AFDN: variants seen among roughly 807,000 people sequenced by gnomAD.
The protein encoded by AFDN is afadin, adherens junction formation factor.
A neutral mutation model predicts 216.6 loss-of-function variants in AFDN; 68 were observed. The ratio of observed to expected loss-of-function variants is 0.31; its 90% CI spans 0.26 to 0.38. The LOEUF (loss-of-function observed/expected upper bound fraction) is 0.38. Ranked by LOEUF, AFDN falls within the 10% of genes least tolerant of loss-of-function variation. The pLI, the probability that AFDN is intolerant of heterozygous loss-of-function variation, is 1.00. For missense variants in AFDN, 2,136 were observed against 2,342.0 expected (o/e 0.91, Z 1.82); for synonymous variants, 868 against 853.7 (o/e 1.02, Z -0.29).
chr6:167,833,700 T>C (rs1033685260), intron 1 of AFDN, among the ~76,000 whole-genome samples: 1 of 152,140 alleles, frequency 6.6e-6, no homozygotes, highest in African/African-American at 2.4e-5. Flanking sequence ...AGCTTTGAGG[T>C]TGCCAGTTTC....
chr6:167,834,764 G>C (rs1780231142), intron 1 of AFDN, among the ~76,000 whole-genome samples: 1 of 152,076 alleles, frequency 6.6e-6, no homozygotes, highest in Admixed American at 6.5e-5. Flanking sequence ...AGTATTGCTT[G>C]AGCCCAAAAG....
At chr6:167,963,742 A>AT in intron 31 of AFDN, 1 of 1,062,040 alleles carries the variant, frequency 9.4e-7, no homozygotes, top group Non-Finnish European at 1.1e-6. Context: ...AGCTTTCAGG[A>AT]TTAGGTTCCC....
At chr6:167,958,264 T>G (rs1035941302) in intron 30 of AFDN, among the ~76,000 whole-genome samples, 2 of 152,238 alleles carry the variant, frequency 1.3e-5, no homozygotes, top group South Asian at 4.1e-4. Context: ...ATTACATATA[T>G]GCAAATAGTC....
chr6:167,865,436 G>A (rs902582756), intron 2 of AFDN, among the ~76,000 whole-genome samples: 19 of 151,498 alleles, frequency 1.3e-4, no homozygotes, highest in Non-Finnish European at 2.4e-4. Flanking sequence ...AGTGAGACCC[G>A]TCTCCACAAA....
At chr6:167,959,674 A>G (rs933757135) in intron 30 of AFDN, among the ~76,000 whole-genome samples, 4 of 152,204 alleles carry the variant, frequency 2.6e-5, no homozygotes, top group Non-Finnish European at 5.9e-5. Flanking sequence ...TCATGATACA[A>G]AATTATAAAC....
chr6:167,959,647 A>G (rs186467875), intron 30 of AFDN, among the ~76,000 whole-genome samples: 1 of 152,320 alleles, frequency 6.6e-6, no homozygotes, highest in Non-Finnish European at 1.5e-5. Context: ...TTTTATGTTC[A>G]GATACCAGTT....
intron 30 of AFDN, among the ~76,000 whole-genome samples, chr6:167,957,108 G>A (rs1157284919): frequency 6.6e-6 from 1 of 152,116 alleles, no homozygotes; most frequent in Non-Finnish European, 1.5e-5. Flanking sequence ...GTCCCTGCCT[G>A]TCTCCATGGC....
intron 32 of AFDN, chr6:167,966,405 T>G: frequency 2.1e-4 from 136 of 640,954 alleles, no homozygotes; most frequent in Non-Finnish European, 2.5e-4. Context: ...ATGTGATCAC[T>G]GGTCTCGGCA....
At chr6:167,864,817 T>C (rs1783987812) in intron 2 of AFDN, 71 bp downstream of exon 2, 4 of 1,472,626 alleles carry the variant, frequency 2.7e-6, no homozygotes, top group Middle Eastern at 1.7e-4. Flanking sequence ...TCCAGGGTCA[T>C]TGTGGTCATG....
chr6:167,944,201 A>G, intron 26 of AFDN, 142 bp downstream of exon 26: 1 of 590,886 alleles, frequency 1.7e-6, no homozygotes, highest in Non-Finnish European at 2.9e-6. Flanking sequence ...GCTTCAGCAT[A>G]GTGCCTGGGA....
intron 6 of AFDN, 109 bp downstream of exon 6, chr6:167,880,626 C>T: frequency 1.8e-6 from 2 of 1,102,712 alleles, no homozygotes; most frequent in Non-Finnish European, 2.7e-6. Context: ...CATTTAGAAT[C>T]TGATAATTTA....
Position 167,962,794 on chromosome 6 carries a change from T to C in AFDN, c.4968+227T>C. ...CCCTTATCTGCCAAGTTTTGTCTCC[T>C]TCAAACTTCTGAACTCTTGGGCGTG... is the stretch of plus-strand genomic sequence containing the variant. On this transcript the variant is annotated intron_variant, in intron 31 of 33. Transcript: ENST00000683244. The surrounding 1 kb of genome is among the most constrained non-coding windows in gnomAD (Gnocchi z 5.2). The C allele has an allele frequency of 7.3e-7, 1 of 1,377,476 alleles. No individual in the cohort carries two copies. The highest frequency in any genetic ancestry group is 9.4e-7 in the Non-Finnish European group (1 of 1,065,494). 85.3% of individuals were successfully genotyped at this position (1,377,476 alleles called of 1,614,324 possible). A position where few individuals can be genotyped will look rare whatever the true frequency, so the allele number is the denominator to read the frequency against.
intron 16 of AFDN, 21 bp downstream of exon 16, chr6:167,913,444 T>C (rs778533803): frequency 4.8e-5 from 74 of 1,534,910 alleles, no homozygotes; most frequent in Non-Finnish European, 6.1e-5. Flanking sequence ...TGCTGGGAGC[T>C]GATCCTAGCT....
chr6:167,883,377 C>T (rs778584170), intron 6 of AFDN, among the ~76,000 whole-genome samples: 1 of 152,138 alleles, frequency 6.6e-6, no homozygotes, highest in Non-Finnish European at 1.5e-5. Context: ...TTTATTTTTG[C>T]AGTATTCTGT....
Position 167,951,673 on chromosome 6 carries a change from A to G in AFDN, c.4319A>G (p.Lys1440Arg). ...CGCCTGGAGGAGGAGCGGGAGAGGAAGCGGAGAGAGCAGGAGAGGAAGTTG... is the reference window on the plus strand; with the variant it reads ...CGCCTGGAGGAGGAGCGGGAGAGGAGGCGGAGAGAGCAGGAGAGGAAGTTG... ...KARLEEERER[K>R]RREQERKLGQ... The change falls in exon 30 of 34, where the codon AAG becomes AGG. Residue 1440 changes from lysine to arginine, a missense_variant. Coordinates refer to ENST00000683244, the MANE Select transcript of AFDN (RefSeq NM_001386888.1). The surrounding 1 kb of genome is among the most constrained non-coding windows in gnomAD (Gnocchi z 7.1). 9 of 1,613,912 alleles carry G rather than the reference A, an allele frequency of 5.6e-6. No individual in the cohort carries two copies. The highest frequency in any genetic ancestry group is 7.6e-6 in the Non-Finnish European group (9 of 1,179,940).
intron 13 of AFDN, 86 bp downstream of exon 13, chr6:167,907,375 G>A: frequency 9.7e-7 from 1 of 1,025,876 alleles, no homozygotes; most frequent in Middle Eastern, 2.1e-4. Context: ...AATTTATAAA[G>A]GTTCAGCTGA....
At chr6:167,924,944 C>T (rs1423548594) in intron 22 of AFDN, 61 bp from the exon 23 acceptor site, 2 of 1,166,254 alleles carry the variant, frequency 1.7e-6, no homozygotes, top group Admixed American at 1.7e-5. Flanking sequence ...CATGAGTTGT[C>T]TAACCATACA....
intron 31 of AFDN, chr6:167,965,010 T>G (rs1170364852): frequency 2.9e-6 from 3 of 1,047,552 alleles, no homozygotes; most frequent in Non-Finnish European, 3.5e-6. Context: ...CAAAATATAT[T>G]TGAATATCTT....
At chr6:167,917,569 C>T (rs1322857358) in intron 20 of AFDN, among the ~76,000 whole-genome samples, 5 of 152,198 alleles carry the variant, frequency 3.3e-5, no homozygotes, top group Non-Finnish European at 2.9e-5. Flanking sequence ...CACCCTCTTA[C>T]AGCCTAGCTG....
Sources: gnomAD v4.1 joint callset for allele counts (sites outside exome capture counted in the v4.1 genomes callset) on GRCh38, gnomAD v4.1.1 for gene constraint, Gnocchi (gnomAD v3.1) non-coding constraint, MANE v1.5 for transcripts, NCBI Gene and HGNC (gene_info 2026-07-23, HGNC 2026-07-21) for gene names.